The following ING1 variants were observed in gnomAD, a reference collection of about 807,000 sequenced individuals.
ING1 encodes the protein inhibitor of growth protein 1.
ING1 carries 4 observed loss-of-function variants against 23.1 expected under a neutral mutation model. The observed-to-expected ratio is 0.17, with a 90% CI of 0.09 to 0.40. ING1 has a LOEUF of 0.40. Among genes scored for constraint, ING1 ranks in the 10% least tolerant of loss-of-function variants. The probability of loss-of-function intolerance (pLI) is 1.00; values close to 1 mark genes in which losing one functional copy is unlikely to be tolerated. For synonymous variants in ING1, 179 were observed against 166.4 expected (o/e 1.08, Z -0.58); for missense variants, 256 against 393.8 (o/e 0.65, Z 2.96).
Position 110,719,142 on chromosome 13 carries a change from G to A in ING1, c.137-87G>A. Reference sequence around the variant, plus strand: ...CCGTGCGCTGGCCCCTAGGCTCCCTGCCAGCCCTCTCCGTAGACCCGTCCG... The same window carrying A: ...CCGTGCGCTGGCCCCTAGGCTCCCTACCAGCCCTCTCCGTAGACCCGTCCG... On this transcript the variant is annotated intron_variant, in intron 1 of 1. Transcript: ENST00000333219. The surrounding 1 kb of genome is among the most constrained non-coding windows in gnomAD (Gnocchi z 8.9). 1 of 1,342,566 alleles carries A rather than the reference G, an allele frequency of 7.4e-7. No homozygotes were observed. The highest frequency in any genetic ancestry group is 1.0e-6 in the Non-Finnish European group (1 of 966,634). The allele number at this position is 1,342,566 out of a possible 1,614,324, so 83.2% of individuals were successfully genotyped here.
upstream of ING1, chr13:110,713,342 C>G (rs1426458098): frequency 9.0e-7 from 1 of 1,106,310 alleles, no homozygotes; most frequent in Non-Finnish European, 1.1e-6. Flanking sequence ...CCGTTAGGTC[C>G]TGGTCGGGTT....
At position 110,714,118 on chromosome 13, in the gene ING1, C is replaced by T. The variant is rs777722972; in HGVS notation, c.-32C>T. 6.0e-6 allele frequency: 9 copies of T among 1,505,626 alleles called. No individual in the cohort carries two copies. The Middle Eastern group carries it at 7.0e-4, about 117-fold the overall frequency. 93.3% of individuals were successfully genotyped at this position (1,505,626 alleles called of 1,614,324 possible). ...GGGGGGTGGAGGAAGCGGAAAGCCGCGCCGAGTCGCCGGGGACCTCCGGGG... is the reference window on the plus strand; with the variant it reads ...GGGGGGTGGAGGAAGCGGAAAGCCGTGCCGAGTCGCCGGGGACCTCCGGGG... On this transcript the variant is annotated 5_prime_UTR_variant, in exon 1 of 2. Coordinates refer to ENST00000333219, the MANE Select transcript of ING1 (RefSeq NM_198219.3).
Position 110,719,949 on chromosome 13 carries a change from T to C in ING1, c.*17T>C. 1 of 1,559,780 alleles carries C rather than the reference T, an allele frequency of 6.4e-7. No homozygotes were observed. Among genetic ancestry groups the C allele is most frequent in the Admixed American group, 2.1e-5 (1 of 47,298 alleles). ...AACAGGTAGTTTGTGGACAGGCGCC[T>C]GGTGTGAGGAGGACAAAATAAACCG... On this transcript the variant is annotated 3_prime_UTR_variant, in exon 2 of 2. Coordinates refer to ENST00000333219, the MANE Select transcript of ING1 (RefSeq NM_198219.3). The surrounding 1 kb of genome is among the most constrained non-coding windows in gnomAD (Gnocchi z 8.9).
chr13:110,714,105 A>G lies in ING1; in HGVS notation c.-45A>G. ...TTTTGAGGGGGGCGGGGGGTGGAGG[A>G]AGCGGAAAGCCGCGCCGAGTCGCCG... is the stretch of plus-strand genomic sequence containing the variant. On this transcript the variant is annotated 5_prime_UTR_variant, in exon 1 of 2. Transcript: ENST00000333219. 6.7e-7 allele frequency: 1 copy of G among 1,495,570 alleles called. No homozygotes were observed. The highest frequency in any genetic ancestry group is 1.3e-5 in the South Asian group (1 of 77,844). The allele number at this position is 1,495,570 out of a possible 1,614,324, so 92.6% of individuals were successfully genotyped here.
Position 110,715,990 on chromosome 13 carries a change from C to T in ING1, c.136+1705C>T, listed in dbSNP as rs565753031. The T allele has an allele frequency of 1.7e-5, 25 of 1,505,240 alleles. No homozygotes were observed. The South Asian group carries it at 2.6e-4, about 16-fold the overall frequency. The allele number at this position is 1,505,240 out of a possible 1,614,324, so 93.2% of individuals were successfully genotyped here. A position where few individuals can be genotyped will look rare whatever the true frequency, so the allele number is the denominator to read the frequency against. ...ATCTCTGCTGACCCGAGGGTGGGGC[C>T]GCGCGTGGCCGTGGAAACGTGAGTG... is the stretch of plus-strand genomic sequence containing the variant. On this transcript the variant is annotated intron_variant, in intron 1 of 1. Coordinates refer to ENST00000333219, the MANE Select transcript of ING1 (RefSeq NM_198219.3).
In ING1 at chr13:110,719,019, T is replaced by TTTGTGTTGTG. The variant is rs56258926; in HGVS notation, c.137-184_137-175dup. On this transcript the variant is annotated intron_variant, in intron 1 of 1. Coordinates refer to ENST00000333219, the MANE Select transcript of ING1 (RefSeq NM_198219.3). The surrounding 1 kb of genome is among the most constrained non-coding windows in gnomAD (Gnocchi z 8.9). ...TGCCGCTGTGGAAGCTGGGCCGGCA[T>TTTGTGTTGTG]TTGTGTTGTGTTGTGTTGTGTTGTG... Among the ~76,000 whole-genome samples the TTTGTGTTGTG allele has an allele frequency of 0.11, 16,742 of 148,470 alleles. 1,347 individuals carry two copies. Among genetic ancestry groups the TTTGTGTTGTG allele is most frequent in the African/African-American group, 0.23 (9,340 of 39,860 alleles).
upstream of ING1, chr13:110,713,093 G>A (rs2064055364): frequency 2.1e-6 from 3 of 1,440,062 alleles, no homozygotes; most frequent in African/African-American, 1.4e-5. Flanking sequence ...GCCTCCCGGA[G>A]GACTTGGGTT....
intron 1 of ING1, chr13:110,715,532 T>A (rs761335557): frequency 6.2e-7 from 1 of 1,614,182 alleles, no homozygotes. Context: ...ATAACTGGTA[T>A]GGGTCTGTGT....
chr13:110,715,887 G>T (rs1364879609), intron 1 of ING1: 21 of 1,588,866 alleles, frequency 1.3e-5, no homozygotes, highest in Non-Finnish European at 1.7e-5. Context: ...TCCCGGGCCT[G>T]TGGGCTCGGG....
At position 110,719,309 on chromosome 13, in the gene ING1, T is replaced by C. The variant is rs1314510356; in HGVS notation, c.217T>C (p.Cys73Arg). 2.5e-6 allele frequency: 4 copies of C among 1,609,766 alleles called. No homozygotes were observed. The highest frequency in any genetic ancestry group is 3.4e-6 in the Non-Finnish European group (4 of 1,179,814). The change falls in exon 2 of 2, where the codon TGT (cysteine) becomes CGT (arginine). Residue 73 changes from cysteine (C) to arginine (R), a missense_variant. Physicochemically the swap from Cys to Arg is radical, Grantham distance 180. Transcript: ENST00000333219. The surrounding 1 kb of genome is among the most constrained non-coding windows in gnomAD (Gnocchi z 8.9). ...GGCGCAGAAGCGGCGGATGCTGCAC[T>C]GTGTGCAGCGCGCGCTGATCCGCAG... is the stretch of plus-strand genomic sequence containing the variant. ...DGAQKRRMLH[C>R]VQRALIRSQE...
chr13:110,715,594 C>A lies in ING1; in HGVS notation c.136+1309C>A, dbSNP rs772916858. Reference sequence around the variant, plus strand: ...GGGGAGGAGCGGGGTGGAGGGTGGACGAGTTGATTTGAACGTCTTCGGGTC... The same window carrying A: ...GGGGAGGAGCGGGGTGGAGGGTGGAAGAGTTGATTTGAACGTCTTCGGGTC... On this transcript the variant is annotated intron_variant, in intron 1 of 1. Transcript: ENST00000333219. 1.2e-5 allele frequency: 20 copies of A among 1,613,842 alleles called. No individual in the cohort carries two copies. In the South Asian group the frequency reaches 2.0e-4, roughly 16 times the overall value.
chr13:110,713,487 G>A, upstream of ING1: 1 of 987,866 alleles, frequency 1.0e-6, no homozygotes, highest in Non-Finnish European at 1.2e-6. Flanking sequence ...CGGCCCTGAC[G>A]CTGTCCCCTC....
At position 110,719,360 on chromosome 13, in the gene ING1, C is replaced by G. The variant is rs148449737; in HGVS notation, c.268C>G (p.Gln90Glu). The change falls in exon 2 of 2, where the codon CAG (glutamine) becomes GAG (glutamate). Residue 90 changes from glutamine (Q) to glutamate (E), a missense_variant. Coordinates refer to ENST00000333219, the MANE Select transcript of ING1 (RefSeq NM_198219.3). This position sits in a 1 kb window ranked among gnomAD's most constrained non-coding sequence, Gnocchi z 8.9. The stretch of plus-strand genomic sequence containing the variant: ...CCAGGAGCTGGGCGACGAGAAGATC[C>G]AGATCGTGAGCCAGATGGTGGAGCT... ...RSQELGDEKI[Q>E]IVSQMVELVE... The G allele has an allele frequency of 1.1e-5, 18 of 1,609,510 alleles. No individual in the cohort carries two copies. In the East Asian group the frequency reaches 4.0e-4, roughly 36 times the overall value.
chr13:110,712,883 G>A (rs1489349795), upstream of ING1: 11 of 1,406,440 alleles, frequency 7.8e-6, no homozygotes, highest in East Asian at 2.5e-5. Context: ...TCCAAACTGA[G>A]TACCGGGAGA....
chr13:110,721,551 C>A lies in ING1; in HGVS notation c.*1619C>A, dbSNP rs997311413. On this transcript the variant is annotated 3_prime_UTR_variant, in exon 2 of 2. Transcript: ENST00000333219. ...TGCTGGGATTACAGGTGTGAGCCAC[C>A]GTGCCCGGCTGGAGTTTTCATTTTT... is the stretch of plus-strand genomic sequence containing the variant. 6.6e-6 allele frequency: 1 copy of A among 151,142 alleles called. No homozygotes were observed. The highest frequency in any genetic ancestry group is 1.9e-4 in the East Asian group (1 of 5,148). 9.4% of individuals were successfully genotyped at this position (151,142 alleles called of 1,614,324 possible).
At position 110,714,036 on chromosome 13, in the gene ING1, G is replaced by C; in HGVS notation, c.-114G>C. On this transcript the variant is annotated 5_prime_UTR_variant, in exon 1 of 2. Transcript: ENST00000333219. ...GCCGGGCCGAAGCAGGAGCCGGCGGGGGGGCGCCGGGAGAGCGAGGGCTTT... is the reference window on the plus strand; with the variant it reads ...GCCGGGCCGAAGCAGGAGCCGGCGGCGGGGCGCCGGGAGAGCGAGGGCTTT... 1.6e-6 allele frequency: 2 copies of C among 1,229,606 alleles called. No individual in the cohort carries two copies. The highest frequency in any genetic ancestry group is 3.4e-5 in the East Asian group (1 of 29,244). The allele number at this position is 1,229,606 out of a possible 1,614,324, so 76.2% of individuals were successfully genotyped here.
Position 110,719,494 on chromosome 13 carries a change from CA to C in ING1, c.405del (p.Gly136AlafsTer88), listed in dbSNP as rs1356189213. On this transcript the variant is annotated frameshift_variant, in exon 2 of 2. Coordinates refer to ENST00000333219, the MANE Select transcript of ING1 (RefSeq NM_198219.3). LOFTEE classifies it high-confidence loss of function. This position sits in a 1 kb window ranked among gnomAD's most constrained non-coding sequence, Gnocchi z 8.9. ...GCGGCAAGGCTGGCGCGGACAGGCC[CA>C]AAGGCGAGGCGGCAGCGCAGGCTGA... ...NSGKAGADRPKGEAAAQADKP... is the reference protein window; with the variant it reads ...NSGKAGADRPXGEAAAQADKP... 1 of 1,612,334 alleles carries C rather than the reference CA, an allele frequency of 6.2e-7. No individual in the cohort carries two copies. The highest frequency in any genetic ancestry group is 8.5e-7 in the Non-Finnish European group (1 of 1,179,346).
intron 1 of ING1, chr13:110,715,820 C>T: frequency 2.5e-6 from 4 of 1,586,458 alleles, no homozygotes; most frequent in Non-Finnish European, 2.6e-6. Context: ...TCGCCCCGGC[C>T]CCTCTCCCCG....
upstream of ING1, chr13:110,713,031 C>A: frequency 6.7e-7 from 1 of 1,491,474 alleles, no homozygotes. Context: ...GAGAGGGTGC[C>A]AGTGCGCATG....
Sources: gnomAD v4.1 joint callset for allele counts (sites outside exome capture counted in the v4.1 genomes callset) on GRCh38, gnomAD v4.1.1 for gene constraint, Gnocchi (gnomAD v3.1) non-coding constraint, MANE v1.5 for transcripts, NCBI Gene and HGNC (gene_info 2026-07-23, HGNC 2026-07-21) for gene names.